Variants in GXYLT2 observed in about 807,000 individuals in gnomAD.
GXYLT2 encodes the protein glycosyltransferase 8 domain containing 4.
In GXYLT2, 53 loss-of-function variants were observed where a neutral mutation model predicts 45.8. The observed-to-expected ratio is 1.16, with a 90% confidence interval of 0.93 to 1.46. The LOEUF (loss-of-function observed/expected upper bound fraction) is 1.46. GXYLT2 is among the 40% of genes most tolerant of loss of function. The pLI, the probability that GXYLT2 is intolerant of heterozygous loss-of-function variation, is 0.00. For synonymous variants in GXYLT2, 219 were observed against 214.2 expected, an observed-to-expected ratio of 1.02 and a Z score of -0.19; for missense variants, 551 against 544.4, an observed-to-expected ratio of 1.01 and a Z score of -0.12.
intron 6 of GXYLT2, among the ~76,000 whole-genome samples, chr3:72,972,721 T>G (rs1711013124): frequency 7.4e-6 from 1 of 135,004 alleles, no homozygotes. Context: ...GAAAGAAAAA[T>G]TCAGCCTGGG....
chr3:72,899,691 G>A (rs904909823), intron 1 of GXYLT2, among the ~76,000 whole-genome samples: 2 of 151,928 alleles, frequency 1.3e-5, no homozygotes, highest in East Asian at 3.9e-4. Context: ...TTCTTCTAGG[G>A]GCCATATCAA....
chr3:72,960,951 T>A (rs1710757384), intron 5 of GXYLT2, among the ~76,000 whole-genome samples: 1 of 152,166 alleles, frequency 6.6e-6, no homozygotes, highest in South Asian at 2.1e-4. Flanking sequence ...CATCAGGAAA[T>A]GTTGTCATTA....
chr3:72,965,377 A>G (rs1048284578), intron 5 of GXYLT2, among the ~76,000 whole-genome samples: 3 of 152,204 alleles, frequency 2.0e-5, no homozygotes, highest in African/African-American at 7.2e-5. Context: ...CATCAACCCA[A>G]TGAACAAGCA....
chr3:72,915,477 C>G (rs190903875), intron 2 of GXYLT2, among the ~76,000 whole-genome samples: 3 of 147,770 alleles, frequency 2.0e-5, no homozygotes, highest in East Asian at 2.0e-4. Context: ...CAGAACAAAA[C>G]GAGGGGTGAT....
At chr3:72,914,798 G>A (rs191522732) in intron 2 of GXYLT2, among the ~76,000 whole-genome samples, 1 of 152,200 alleles carries the variant, frequency 6.6e-6, no homozygotes, top group East Asian at 1.9e-4. Context: ...TCTCAAGCTG[G>A]ATCAGGGCAT....
intron 1 of GXYLT2, among the ~76,000 whole-genome samples, chr3:72,892,726 G>A (rs1436913568): frequency 6.6e-6 from 1 of 152,156 alleles, no homozygotes; most frequent in Non-Finnish European, 1.5e-5. Flanking sequence ...GTGTTCTGTA[G>A]CAAAATGCTT....
chr3:72,888,633 A>G (rs1709116254), intron 1 of GXYLT2, 125 bp downstream of exon 1: 2 of 652,286 alleles, frequency 3.1e-6, no homozygotes, highest in Non-Finnish European at 3.9e-6. Flanking sequence ...CGGGCTGCCC[A>G]CTTCTGTTTC....
chr3:72,913,219 T>C (rs1190365835), intron 2 of GXYLT2, among the ~76,000 whole-genome samples: 1 of 151,036 alleles, frequency 6.6e-6, no homozygotes, highest in African/African-American at 2.4e-5. Flanking sequence ...TTTGTATTTT[T>C]AGTAGAGACG....
At chr3:72,904,470 A>G (rs929374551) in intron 1 of GXYLT2, among the ~76,000 whole-genome samples, 3 of 152,182 alleles carry the variant, frequency 2.0e-5, no homozygotes, top group Non-Finnish European at 4.4e-5. Context: ...CTGATACTTG[A>G]ACTGGCACCA....
intron 6 of GXYLT2, among the ~76,000 whole-genome samples, chr3:72,969,439 C>G (rs1192033948): frequency 6.6e-6 from 1 of 150,712 alleles, no homozygotes; most frequent in Non-Finnish European, 1.5e-5. Flanking sequence ...ATATGAAATT[C>G]AAATGTCAGC....
intron 2 of GXYLT2, among the ~76,000 whole-genome samples, chr3:72,917,189 C>A (rs183684951): frequency 6.6e-6 from 1 of 152,104 alleles, no homozygotes; most frequent in East Asian, 1.9e-4. Context: ...CACTGCAGCC[C>A]CAACCTCTCA....
intron 5 of GXYLT2, among the ~76,000 whole-genome samples, chr3:72,967,082 CATT>C (rs1332658053): frequency 1.3e-5 from 2 of 152,214 alleles, no homozygotes; most frequent in Non-Finnish European, 2.9e-5. Flanking sequence ...CAACTGCTAA[CATT>C]ATTGAACCAC....
chr3:72,929,148 T>A (rs992004481), intron 3 of GXYLT2: 5 of 1,588,718 alleles, frequency 3.1e-6, no homozygotes, highest in Admixed American at 1.7e-5. Flanking sequence ...TACGTTTACC[T>A]GTCCATGTCT....
At chr3:72,965,859 A>G (rs1409846975) in intron 5 of GXYLT2, among the ~76,000 whole-genome samples, 1 of 152,112 alleles carries the variant, frequency 6.6e-6, no homozygotes, top group East Asian at 1.9e-4. Flanking sequence ...ATACAAACAC[A>G]CCTGTGTACA....
At chr3:72,929,453 A>T (rs747747654) in intron 3 of GXYLT2, 262 of 1,505,380 alleles carry the variant, frequency 1.7e-4, no homozygotes, top group Non-Finnish European at 2.0e-4. Context: ...TCATTGAGAC[A>T]CATTACCTGA....
At chr3:72,937,181 C>G (rs1710202356) in intron 3 of GXYLT2, among the ~76,000 whole-genome samples, 2 of 151,938 alleles carry the variant, frequency 1.3e-5, no homozygotes, top group Non-Finnish European at 2.9e-5. Flanking sequence ...CTCTTGGAAC[C>G]AGTTTAGTGG....
At chr3:72,928,239 A>G (rs761442656) in intron 3 of GXYLT2, among the ~76,000 whole-genome samples, 7 of 152,322 alleles carry the variant, frequency 4.6e-5, no homozygotes, top group African/African-American at 1.4e-4. Flanking sequence ...TAAAATAACT[A>G]TCTAAATACT....
chr3:72,909,058 C>CTTTCTT (rs1709565855), intron 2 of GXYLT2, among the ~76,000 whole-genome samples: 1 of 122,412 alleles, frequency 8.2e-6, no homozygotes, highest in African/African-American at 3.5e-5. Flanking sequence ...TTCTTTCTTC[C>CTTTCTT]TTTCTTTTTT....
chr3:72,963,649 T>C (rs1435365003), intron 5 of GXYLT2, among the ~76,000 whole-genome samples: 2 of 149,396 alleles, frequency 1.3e-5, no homozygotes, highest in Non-Finnish European at 3.0e-5. Flanking sequence ...ATTACAGGTG[T>C]GTACCACCAT....
Sources: allele counts gnomAD v4.1 joint callset (sites outside exome capture counted in the v4.1 genomes callset), GRCh38; gene constraint gnomAD v4.1.1; transcripts MANE v1.5; gene names NCBI Gene and HGNC (gene_info 2026-07-23, HGNC 2026-07-21).